CLGN: variants seen among roughly 807,000 people sequenced by gnomAD.
CLGN encodes the protein calmegin.
A neutral mutation model predicts 79.1 loss-of-function variants in CLGN; 62 were observed. The ratio of observed to expected loss-of-function variants is 0.78; its 90% confidence interval spans 0.64 to 0.97. The LOEUF (loss-of-function observed/expected upper bound fraction) is 0.97, where lower values mean the gene tolerates loss of function less well. CLGN is among the 50% of genes least tolerant of loss of function. The probability of loss-of-function intolerance (pLI) is 0.00; values close to 1 mark genes in which losing one functional copy is unlikely to be tolerated. For synonymous variants in CLGN, 225 were observed against 224.7 expected, an observed-to-expected ratio of 1.00 and a Z score of -0.01; for missense variants, 647 against 715.5, an observed-to-expected ratio of 0.90 and a Z score of 1.09.
Position 140,410,562 on chromosome 4 carries a change from C to T in CLGN, c.209G>A (p.Arg70Lys), listed in dbSNP as rs746262714. 5 of 1,599,254 alleles carry T rather than the reference C, an allele frequency of 3.1e-6. No homozygotes were observed. The highest frequency in any genetic ancestry group is 1.1e-5 in the South Asian group (1 of 90,556). Residue 70 changes from arginine to lysine, a missense_variant, in exon 3 of 15, where the codon AGG (arginine) becomes AAG (lysine). Arg to Lys is a conservative substitution (Grantham distance 26). Transcript: ENST00000325617. ...VYFAETFDSG[R>K]LAGWVLSKAK... ...TTGAATGAATACTCACCCAGCCAAC[C>T]TTCCACTATCAAAAGTTTCTGCAAA...
intron 1 of CLGN, among the ~76,000 whole-genome samples, chr4:140,417,884 G>A (rs1320320824): frequency 2.6e-5 from 4 of 151,684 alleles, no homozygotes; most frequent in African/African-American, 4.8e-5. Flanking sequence ...AAAAGAGCCC[G>A]CATCGCCAAG....
chr4:140,410,549 T>C lies in CLGN; in HGVS notation c.218+4A>G, dbSNP rs1729190930. 1 of 1,584,302 alleles carries C rather than the reference T, an allele frequency of 6.3e-7. No homozygotes were observed. The highest frequency in any genetic ancestry group is 1.3e-5 in the African/African-American group (1 of 74,218). ...AGAAAACATTCTCTTGAATGAATAC[T>C]CACCCAGCCAACCTTCCACTATCAA... On this transcript the variant is annotated splice_donor_region_variant and intron_variant, in intron 3 of 14. Transcript: ENST00000325617.
intron 1 of CLGN, among the ~76,000 whole-genome samples, chr4:140,420,760 A>G (rs1438792779): frequency 6.6e-6 from 1 of 152,178 alleles, no homozygotes; most frequent in Non-Finnish European, 1.5e-5. Flanking sequence ...AGAGAGAGGT[A>G]TGCTATTGAC....
chr4:140,408,896 CAT>C (rs1479830803), intron 4 of CLGN, among the ~76,000 whole-genome samples: 1 of 148,410 alleles, frequency 6.7e-6, no homozygotes, highest in Non-Finnish European at 1.5e-5. Context: ...CACACACACA[CAT>C]ATATATACAC....
chr4:140,389,383 T>C, intron 14 of CLGN, 79 bp from the exon 15 acceptor site: 1 of 987,172 alleles, frequency 1.0e-6, no homozygotes, highest in South Asian at 1.4e-5. Context: ...ATATTTATTA[T>C]TCTCTAAAAT....
intron 4 of CLGN, among the ~76,000 whole-genome samples, chr4:140,407,585 G>GC (rs1729131709): frequency 1.2e-5 from 1 of 84,318 alleles, no homozygotes; most frequent in African/African-American, 4.8e-5. Context: ...TACAATGGCT[G>GC]CAAAAAAAAA....
chr4:140,418,606 T>G (rs1019475693), intron 1 of CLGN, among the ~76,000 whole-genome samples: 6 of 150,990 alleles, frequency 4.0e-5, no homozygotes, highest in Non-Finnish European at 7.4e-5. Context: ...GAAAAAATGC[T>G]CATCATCACT....
chr4:140,414,895 T>C (rs779488597), intron 1 of CLGN, among the ~76,000 whole-genome samples: 8,535 of 148,020 alleles, frequency 0.058, 305 homozygotes, highest in African/African-American at 0.1. Context: ...AGACACATAA[T>C]TGTCAGATTC....
intron 5 of CLGN, among the ~76,000 whole-genome samples, chr4:140,403,687 A>T (rs183368481): frequency 1.3e-5 from 2 of 152,244 alleles, no homozygotes; most frequent in African/African-American, 4.8e-5. Flanking sequence ...ATGTGAACAC[A>T]GTTTCATTGT....
At position 140,394,031 on chromosome 4, in the gene CLGN, C is replaced by T. The variant is rs139813038; in HGVS notation, c.1160G>A (p.Ser387Asn). The change falls in exon 11 of 15, where the codon AGT becomes AAT. Residue 387 changes from serine to asparagine, a missense_variant. Physicochemically the swap from Ser to Asn is conservative, Grantham distance 46. Transcript: ENST00000325617. ...ATCTGGATTAGGAATTTTTCGAGGACTCCAGATTCCCTGGAAGAAAAGTAA... is the reference window on the plus strand; with the variant it reads ...ATCTGGATTAGGAATTTTTCGAGGATTCCAGATTCCCTGGAAGAAAAGTAA... ...VDNPNYQGIW[S>N]PRKIPNPDYF... 5.5e-5 allele frequency: 89 copies of T among 1,607,464 alleles called. No homozygotes were observed. Among genetic ancestry groups the T allele is most frequent in the Non-Finnish European group, 7.5e-5 (88 of 1,175,852 alleles).
At chr4:140,424,592 G>C (rs1269839847) in intron 1 of CLGN, among the ~76,000 whole-genome samples, 1 of 152,124 alleles carries the variant, frequency 6.6e-6, no homozygotes. Context: ...TTTTAGTACA[G>C]CAAGAATTTG....
chr4:140,393,815 C>A lies in CLGN; in HGVS notation c.1365+11G>T. ...TAGTTATATCACTACTGCTATTGGT[C>A]AACACCATACCTTATTAGCATTTGC... On this transcript the variant is annotated intron_variant, in intron 11 of 14. Coordinates refer to ENST00000325617, the MANE Select transcript of CLGN (RefSeq NM_004362.3). 1.2e-6 allele frequency: 2 copies of A among 1,611,498 alleles called. No individual in the cohort carries two copies. Among genetic ancestry groups the A allele is most frequent in the South Asian group, 2.2e-5 (2 of 90,794 alleles).
intron 1 of CLGN, among the ~76,000 whole-genome samples, chr4:140,425,693 A>G (rs1013829432): frequency 2.7e-5 from 4 of 145,640 alleles, no homozygotes; most frequent in African/African-American, 1.0e-4. Flanking sequence ...CAGTGGCACA[A>G]TCTCGGCTCA....
chr4:140,410,406 T>C (rs1729187902), intron 3 of CLGN, 147 bp downstream of exon 3: 1 of 612,406 alleles, frequency 1.6e-6, no homozygotes, highest in Admixed American at 3.1e-5. Flanking sequence ...ATTACAAAAA[T>C]ATACTAAGTA....
chr4:140,405,377 G>C (rs1376602649), intron 5 of CLGN, among the ~76,000 whole-genome samples: 1 of 150,108 alleles, frequency 6.7e-6, no homozygotes, highest in Non-Finnish European at 1.5e-5. Flanking sequence ...GTAGAGACGG[G>C]GTTTCACCGT....
intron 10 of CLGN, among the ~76,000 whole-genome samples, chr4:140,394,873 T>C (rs1728838976): frequency 6.6e-6 from 1 of 152,090 alleles, no homozygotes; most frequent in African/African-American, 2.4e-5. Flanking sequence ...ACTCAAAAGA[T>C]GTCGATTGAT....
rs372242073 is a variant in CLGN at position 140,396,619 on chromosome 4, C to T, written c.885-414G>A. ...TTTCCCAGGCTGGAGTGCAATAGTG[C>T]GACCTCAGCTCACTGCAACCTCTGC... is the stretch of plus-strand genomic sequence containing the variant. On this transcript the variant is annotated intron_variant, in intron 8 of 14. Transcript: ENST00000325617. 7.7e-4 allele frequency among the ~76,000 whole-genome samples: 116 copies of T among 151,580 alleles called. No individual in the cohort carries two copies. In the Middle Eastern group the frequency reaches 0.01, roughly 13 times the overall value.
chr4:140,425,397 G>A (rs896352983), intron 1 of CLGN, among the ~76,000 whole-genome samples: 12 of 151,582 alleles, frequency 7.9e-5, no homozygotes, highest in Admixed American at 4.6e-4. Flanking sequence ...CATTTTATTA[G>A]TCAGAGTTCA....
intron 1 of CLGN, 58 bp downstream of exon 1, chr4:140,427,479 C>T (rs1242762556): frequency 6.6e-6 from 1 of 152,364 alleles, no homozygotes; most frequent in Non-Finnish European, 1.5e-5. Context: ...GCTTCCTCAC[C>T]CCAATCTGCG....
Sources: gnomAD v4.1 joint callset for allele counts (sites outside exome capture counted in the v4.1 genomes callset) on GRCh38, gnomAD v4.1.1 for gene constraint, MANE v1.5 for transcripts, NCBI Gene and HGNC (gene_info 2026-07-23, HGNC 2026-07-21) for gene names.